The following SOX5 variants were observed in gnomAD, a reference collection of about 807,000 sequenced individuals.
SOX5 encodes transcription factor SOX-5.
A neutral mutation model predicts 92.0 loss-of-function variants in SOX5; 9 were observed. The ratio of observed to expected loss-of-function variants is 0.10; its 90% confidence interval spans 0.06 to 0.17. The LOEUF is 0.17. Ranked by LOEUF, SOX5 falls within the 10% of genes least tolerant of loss-of-function variation. The pLI, the probability that SOX5 is intolerant of heterozygous loss-of-function variation, is 1.00. For synonymous variants in SOX5, 344 were observed against 336.3 expected, an observed-to-expected ratio of 1.02 and a Z score of -0.25; for missense variants, 642 against 944.5, an observed-to-expected ratio of 0.68 and a Z score of 4.20.
intron 2 of SOX5, among the ~76,000 whole-genome samples, chr12:23,875,328 C>T (rs2096916481): frequency 6.6e-6 from 1 of 152,104 alleles, no homozygotes; most frequent in African/African-American, 2.4e-5. Context: ...TTGTTTGTAT[C>T]ATTAGGAAAG....
chr12:23,925,663 T>C (rs1437702796), intron 1 of SOX5, among the ~76,000 whole-genome samples: 2 of 152,086 alleles, frequency 1.3e-5, no homozygotes, highest in Non-Finnish European at 2.9e-5. Context: ...GGCTGAATAT[T>C]CTAGGCCATA....
intron 4 of SOX5, among the ~76,000 whole-genome samples, chr12:24,202,062 A>G (rs1366632962): frequency 6.6e-6 from 1 of 152,210 alleles, no homozygotes; most frequent in African/African-American, 2.4e-5. Flanking sequence ...GTGAATAATT[A>G]CAAACAGTCT....
intron 4 of SOX5, among the ~76,000 whole-genome samples, chr12:24,158,391 A>G (rs1318751856): frequency 6.6e-6 from 1 of 152,036 alleles, no homozygotes; most frequent in African/African-American, 2.4e-5. Flanking sequence ...ATTGCTGCTC[A>G]GGAGGTCACA....
chr12:23,937,505 T>C (rs1224714852), intron 1 of SOX5, among the ~76,000 whole-genome samples: 3 of 150,956 alleles, frequency 2.0e-5, no homozygotes, highest in Admixed American at 6.6e-5. Context: ...AATTTAGAAG[T>C]GCTTCTGGAC....
At chr12:23,936,889 T>G (rs1423628311) in intron 1 of SOX5, among the ~76,000 whole-genome samples, 1 of 151,004 alleles carries the variant, frequency 6.6e-6, no homozygotes, top group Non-Finnish European at 1.5e-5. Context: ...AGTGCGTATT[T>G]TATATTTACA....
chr12:24,366,945 A>T (rs1007723180), intron 2 of SOX5, among the ~76,000 whole-genome samples: 1 of 152,154 alleles, frequency 6.6e-6, no homozygotes, highest in Non-Finnish European at 1.5e-5. Context: ...AAAAGAAAAA[A>T]AAAGGAAGAA....
chr12:24,172,660 C>T (rs1954339059), intron 4 of SOX5, among the ~76,000 whole-genome samples: 1 of 152,146 alleles, frequency 6.6e-6, no homozygotes, highest in African/African-American at 2.4e-5. Flanking sequence ...AAGGGATTCC[C>T]TCCTGGCAGA....
At chr12:24,298,121 G>A (rs1947499124) in intron 2 of SOX5, among the ~76,000 whole-genome samples, 1 of 152,126 alleles carries the variant, frequency 6.6e-6, no homozygotes, top group Non-Finnish European at 1.5e-5. Flanking sequence ...CACCCAGGCT[G>A]GAGTGCAGTG....
At chr12:24,365,844 GT>G (rs769095266) in intron 2 of SOX5, among the ~76,000 whole-genome samples, 1 of 151,730 alleles carries the variant, frequency 6.6e-6, no homozygotes, top group Non-Finnish European at 1.5e-5. Context: ...ATTTTGCCTA[GT>G]TTTTTTAATA....
intron 4 of SOX5, among the ~76,000 whole-genome samples, chr12:24,200,959 G>A (rs1026269224): frequency 1.3e-5 from 2 of 152,130 alleles, no homozygotes; most frequent in East Asian, 1.9e-4. Context: ...TGGATCTGAC[G>A]TCCTCCACTG....
rs141671017 is a variant in SOX5, at chr12:24,339,163, C to CCCCACACACACACACACA, written c.-174+29399_-174+29400insTGTGTGTGTGTGTGTGGG. Among the ~76,000 whole-genome samples, 512 of 140,464 alleles carry CCCCACACACACACACACA rather than the reference C, an allele frequency of 3.6e-3. 3 individuals are homozygous for CCCCACACACACACACACA. The highest frequency in any genetic ancestry group is 0.011 in the Middle Eastern group (3 of 276). The allele number at this position is 140,464 out of a possible 152,430, so 92.1% of individuals were successfully genotyped here. A position where few individuals can be genotyped will look rare whatever the true frequency, so the allele number is the denominator to read the frequency against. Reference sequence around the variant, plus strand: ...GTTTCTCTCTCTCTCTCTCTCTCTGCCACACACACACACACACACACACAC... The same window carrying CCCCACACACACACACACA: ...GTTTCTCTCTCTCTCTCTCTCTCTGCCCCACACACACACACACACACACACACACACACACACACACAC... On this transcript the variant is annotated intron_variant, in intron 2 of 4. Transcript: ENST00000446891.
At chr12:24,372,951 C>CAA (rs375852900) in intron 1 of SOX5, among the ~76,000 whole-genome samples, 71,000 of 122,094 alleles carry the variant, frequency 0.58, 20,649 homozygotes, top group Non-Finnish European at 0.66. Flanking sequence ...CCATCTCTAC[C>CAA]AAAAAAAAAA....
At chr12:24,336,413 C>G (rs1951909888) in intron 2 of SOX5, among the ~76,000 whole-genome samples, 1 of 151,952 alleles carries the variant, frequency 6.6e-6, no homozygotes. Flanking sequence ...TTTTTTACGT[C>G]AAAGTTCAGC....
At chr12:23,898,725 C>T (rs1205772244) in intron 1 of SOX5, among the ~76,000 whole-genome samples, 1 of 152,176 alleles carries the variant, frequency 6.6e-6, no homozygotes, top group African/African-American at 2.4e-5. Context: ...AACGTGAAAG[C>T]GTCATGATGC....
chr12:23,857,415 C>T (rs2096705211), intron 2 of SOX5, among the ~76,000 whole-genome samples: 1 of 152,158 alleles, frequency 6.6e-6, no homozygotes, highest in Non-Finnish European at 1.5e-5. Flanking sequence ...AAAAGGCCTT[C>T]CACTAGATTG....
chr12:24,263,138 A>G (rs996208585), intron 3 of SOX5, among the ~76,000 whole-genome samples: 3 of 152,118 alleles, frequency 2.0e-5, no homozygotes, highest in African/African-American at 7.2e-5. Context: ...AGACAGGAGA[A>G]TTGCTTGAAC....
rs147094749 is a variant in SOX5 at position 23,702,676 on chromosome 12, T to C, written c.810+32008A>G. 7.9e-3 allele frequency among the ~76,000 whole-genome samples: 1,198 copies of C among 152,140 alleles called. 6 individuals carry two copies. Among genetic ancestry groups the C allele is most frequent in the Non-Finnish European group, 0.012 (823 of 67,928 alleles). ...TAAAATTCCAGATTCTGTATCACTT[T>C]GGTATGAATAAATTAAATACCACCA... On this transcript the variant is annotated intron_variant, in intron 6 of 14. Coordinates refer to ENST00000451604, the MANE Select transcript of SOX5 (RefSeq NM_006940.6).
At chr12:23,928,336 A>C (rs554777883) in intron 1 of SOX5, among the ~76,000 whole-genome samples, 1 of 152,160 alleles carries the variant, frequency 6.6e-6, no homozygotes, top group African/African-American at 2.4e-5. Flanking sequence ...AATGTTGCTC[A>C]GTACTCGGGT....
At chr12:23,965,195 G>T (rs1947404867) in intron 4 of SOX5, among the ~76,000 whole-genome samples, 1 of 152,186 alleles carries the variant, frequency 6.6e-6, no homozygotes, top group Non-Finnish European at 1.5e-5. Context: ...CTGACCTTCT[G>T]GTGGAACCTG....
Sources: allele counts gnomAD v4.1 joint callset (sites outside exome capture counted in the v4.1 genomes callset), GRCh38; gene constraint gnomAD v4.1.1; transcripts MANE v1.5; gene names NCBI Gene and HGNC (gene_info 2026-07-23, HGNC 2026-07-21).